Variants in RERE observed in about 807,000 individuals in gnomAD.
The protein encoded by RERE is arginine-glutamic acid dipeptide repeats, also known as arginine-glutamic acid dipeptide repeats protein.
A neutral mutation model predicts 146.1 loss-of-function variants in RERE; 40 were observed. That is an observed-to-expected ratio of 0.27 (90% CI 0.21 to 0.36). The LOEUF (loss-of-function observed/expected upper bound fraction) is 0.36. Among genes scored for constraint, RERE ranks in the 10% least tolerant of loss-of-function variants. The probability of loss-of-function intolerance (pLI) is 1.00; values close to 1 mark genes in which losing one functional copy is unlikely to be tolerated. For synonymous variants in RERE, 1,003 were observed against 866.0 expected (o/e 1.16, Z -2.78); for missense variants, 1,933 against 2,138.7 (o/e 0.90, Z 1.90).
At position 8,355,692 on chromosome 1, in the gene RERE, G is replaced by A. The variant is rs752926567; in HGVS notation, c.4487-93C>T. 673 of 1,133,354 alleles carry A rather than the reference G, an allele frequency of 5.9e-4. 5 individuals carry two copies. Among genetic ancestry groups the A allele is most frequent in the South Asian group, 8.2e-4 (51 of 62,354 alleles). 70.2% of individuals were successfully genotyped at this position (1,133,354 alleles called of 1,614,324 possible). ...GGCACAGCAAACGGCAAAGAGCACA[G>A]GAGAGGTGCCAGTTCGGACACAGGA... On this transcript the variant is annotated intron_variant, in intron 21 of 22. Coordinates refer to ENST00000400908, the MANE Select transcript of RERE (RefSeq NM_001042681.2).
chr1:8,680,143 C>T (rs116145449), intron 1 of RERE, among the ~76,000 whole-genome samples: 3 of 152,228 alleles, frequency 2.0e-5, no homozygotes, highest in Non-Finnish European at 2.9e-5. Flanking sequence ...ATGTCCTTTT[C>T]CTATACACCT....
chr1:8,565,658 C>T (rs892513981), intron 4 of RERE, among the ~76,000 whole-genome samples: 12 of 152,158 alleles, frequency 7.9e-5, no homozygotes, highest in Non-Finnish European at 1.2e-4. Flanking sequence ...TTGCAGTGAG[C>T]GGAGATCGTG....
At chr1:8,641,395 G>A (rs78759213) in intron 2 of RERE, among the ~76,000 whole-genome samples, 1,732 of 152,296 alleles carry the variant, frequency 0.011, 6 homozygotes, top group Admixed American at 0.015. Context: ...AATTGAGCCA[G>A]CTAAAGCTAA....
intron 4 of RERE, among the ~76,000 whole-genome samples, chr1:8,575,383 C>CA (rs1557693651): frequency 7.4e-6 from 1 of 135,502 alleles, no homozygotes; most frequent in Non-Finnish European, 1.6e-5. Context: ...AAAAAGTAAC[C>CA]TTTTTTTTTT....
intron 7 of RERE, among the ~76,000 whole-genome samples, chr1:8,515,877 A>G (rs1472672493): frequency 2.6e-5 from 4 of 152,064 alleles, no homozygotes; most frequent in Non-Finnish European, 5.9e-5. Context: ...ATACACACAC[A>G]TCTATCTTTA....
intron 2 of RERE, among the ~76,000 whole-genome samples, chr1:8,644,865 A>G (rs1370315366): frequency 6.6e-6 from 1 of 152,232 alleles, no homozygotes; most frequent in African/African-American, 2.4e-5. Flanking sequence ...AGAGAAAAAG[A>G]GCAAAGTAAT....
rs1225456603 is a variant in RERE, at chr1:8,470,806, GAA to G, written c.1105-4785_1105-4784del. Among the ~76,000 whole-genome samples the G allele has an allele frequency of 3.2e-3, 377 of 117,106 alleles. 2 individuals are homozygous for G. Among genetic ancestry groups the G allele is most frequent in the African/African-American group, 0.011 (359 of 32,474 alleles). The allele number at this position is 117,106 out of a possible 152,430, so 76.8% of individuals were successfully genotyped here. A position where few individuals can be genotyped will look rare whatever the true frequency, so the allele number is the denominator to read the frequency against. ...GAGAAAATTCTGAGACATCTTTAAAGAAATACCTTTTTTTTTTTTTTTTTTTT... is the reference window on the plus strand; with the variant it reads ...GAGAAAATTCTGAGACATCTTTAAAGATACCTTTTTTTTTTTTTTTTTTTT... On this transcript the variant is annotated intron_variant, in intron 10 of 22. Coordinates refer to ENST00000400908, the MANE Select transcript of RERE (RefSeq NM_001042681.2).
rs868487758 is a variant in RERE at position 8,502,444 on chromosome 1, G to A, written c.880-4915C>T. Among the ~76,000 whole-genome samples the A allele has an allele frequency of 6.0e-3, 676 of 112,870 alleles. 10 individuals carry two copies. The highest frequency in any genetic ancestry group is 0.025 in the African/African-American group (645 of 25,602). 74.0% of individuals were successfully genotyped at this position (112,870 alleles called of 152,430 possible). On this transcript the variant is annotated intron_variant, in intron 8 of 22. Coordinates refer to ENST00000400908, the MANE Select transcript of RERE (RefSeq NM_001042681.2). ...GAGGAGCCCCTCTGCCTGGCCAGCC[G>A]CCCCGTCCGGGAGGGTGGTGGGGGG... is the stretch of plus-strand genomic sequence containing the variant.
intron 1 of RERE, among the ~76,000 whole-genome samples, chr1:8,706,867 T>C (rs1392908895): frequency 6.6e-6 from 1 of 152,206 alleles, no homozygotes; most frequent in Non-Finnish European, 1.5e-5. Context: ...AAAATCAAAG[T>C]TATTACAACA....
At chr1:8,407,478 C>CT (rs151226012) in intron 12 of RERE, among the ~76,000 whole-genome samples, 28 of 151,804 alleles carry the variant, frequency 1.8e-4, no homozygotes, top group African/African-American at 2.4e-4. Flanking sequence ...TAAAATTCCA[C>CT]TTTTTTTTTC....
intron 6 of RERE, among the ~76,000 whole-genome samples, chr1:8,547,087 T>TA (rs149634313): frequency 1.4e-4 from 20 of 143,248 alleles, no homozygotes; most frequent in Admixed American, 8.5e-4. Flanking sequence ...GCTTTTTTTT[T>TA]AAAAAAAAAA....
chr1:8,398,347 C>T (rs926361127), intron 12 of RERE, among the ~76,000 whole-genome samples: 3 of 152,206 alleles, frequency 2.0e-5, no homozygotes, highest in African/African-American at 7.2e-5. Flanking sequence ...CTGAGTGTGG[C>T]TGATGAAATC....
intron 1 of RERE, among the ~76,000 whole-genome samples, chr1:8,719,244 C>T (rs1385103103): frequency 6.6e-6 from 1 of 152,156 alleles, no homozygotes; most frequent in African/African-American, 2.4e-5. Context: ...TTTCCTGCCT[C>T]CTCTCTCCCC....
At chr1:8,751,205 C>T (rs1640528085) in intron 1 of RERE, 2 of 221,992 alleles carry the variant, frequency 9.0e-6, no homozygotes, top group South Asian at 1.6e-4. Context: ...AACTCTGAAA[C>T]ATACTTATTC....
At chr1:8,799,161 T>C (rs1027077873) in intron 1 of RERE, 2 of 151,726 alleles carry the variant, frequency 1.3e-5, no homozygotes, top group Non-Finnish European at 2.9e-5. Flanking sequence ...GTCCAGCTAA[T>C]TCTTGTATTT....
chr1:8,812,906 AAC>A (rs749512397), intron 1 of RERE, among the ~76,000 whole-genome samples: 5 of 152,118 alleles, frequency 3.3e-5, no homozygotes, highest in Non-Finnish European at 5.9e-5. Flanking sequence ...ACAATGTTCT[AAC>A]ACATATTTAA....
chr1:8,676,944 C>A (rs931106921), intron 1 of RERE, among the ~76,000 whole-genome samples: 1 of 152,098 alleles, frequency 6.6e-6, no homozygotes. Flanking sequence ...ATGTCAGGCC[C>A]AATTTCCTCC....
At chr1:8,697,171 T>C (rs928908049) in intron 1 of RERE, among the ~76,000 whole-genome samples, 6 of 152,198 alleles carry the variant, frequency 3.9e-5, no homozygotes, top group Non-Finnish European at 5.9e-5. Flanking sequence ...CTAAGGAAGC[T>C]GCCTAGGTAA....
At chr1:8,411,820 C>T (rs941371100) in intron 12 of RERE, among the ~76,000 whole-genome samples, 6 of 152,100 alleles carry the variant, frequency 3.9e-5, no homozygotes, top group Non-Finnish European at 5.9e-5. Context: ...GTGTAGTTTG[C>T]CCCCAGTTCA....
Sources: allele counts gnomAD v4.1 joint callset (sites outside exome capture counted in the v4.1 genomes callset), GRCh38; gene constraint gnomAD v4.1.1; transcripts MANE v1.5; gene names NCBI Gene and HGNC (gene_info 2026-07-23, HGNC 2026-07-21).